The following HS3ST1 variants were observed in gnomAD, a reference collection of about 807,000 sequenced individuals.
HS3ST1 encodes the protein heparan sulfate-glucosamine 3-sulfotransferase 1, also known as heparan sulfate glucosamine 3-O-sulfotransferase 1.
A neutral mutation model predicts 20.7 loss-of-function variants in HS3ST1; 8 were observed. The ratio of observed to expected loss-of-function variants is 0.39; its 90% CI spans 0.23 to 0.70. The LOEUF (loss-of-function observed/expected upper bound fraction) is 0.70. Among genes scored for constraint, HS3ST1 ranks in the 30% least tolerant of loss-of-function variants. The probability of loss-of-function intolerance (pLI) is 0.46; values close to 1 mark genes in which losing one functional copy is unlikely to be tolerated. For missense variants in HS3ST1, 436 were observed against 423.4 expected (o/e 1.03, Z -0.26); for synonymous variants, 205 against 190.4 (o/e 1.08, Z -0.63).
upstream of HS3ST1, among the ~76,000 whole-genome samples, chr4:11,434,132 A>G (rs1577090240): frequency 6.6e-6 from 1 of 152,210 alleles, no homozygotes; most frequent in East Asian, 1.9e-4. Context: ...AGTCTCTTAC[A>G]CAATGGTAGA....
Position 11,399,009 on chromosome 4 carries a change from TAAAA to T in HS3ST1, c.*69_*72del. On this transcript the variant is annotated 3_prime_UTR_variant, in exon 2 of 2. Coordinates refer to ENST00000002596, the MANE Select transcript of HS3ST1 (RefSeq NM_005114.4). This position sits in a 1 kb window ranked among gnomAD's most constrained non-coding sequence, Gnocchi z 5.1. ...ATAAATTATACCTTAAATGCTTTTT[TAAAA>T]TTCTTTTTCCCCTCAGATGTACACC... The T allele has an allele frequency of 2.3e-6, 3 of 1,328,894 alleles. No individual in the cohort carries two copies. The highest frequency in any genetic ancestry group is 4.5e-5 in the Admixed American group (2 of 44,860). 82.3% of individuals were successfully genotyped at this position (1,328,894 alleles called of 1,614,324 possible).
In HS3ST1 at chr4:11,399,270, A is replaced by C; in HGVS notation, c.736T>G (p.Phe246Val). The change falls in exon 2 of 2, where the codon TTC becomes GTC. Residue 246 changes from phenylalanine to valine, a missense_variant. Transcript: ENST00000002596. The surrounding 1 kb of genome is among the most constrained non-coding windows in gnomAD (Gnocchi z 5.1). ...KLSPQINASN[F>V]YFNKTKGFYC... The stretch of plus-strand genomic sequence containing the variant: ...AAGCCCTTGGTTTTGTTAAAGTAGA[A>C]GTTCGAAGCATTGATCTGCGGCGAC... The C allele has an allele frequency of 6.2e-7, 1 of 1,614,138 alleles. No homozygotes were observed. The highest frequency in any genetic ancestry group is 8.5e-7 in the Non-Finnish European group (1 of 1,180,026).
At chr4:11,426,373 CA>C (rs1553858481) in intron 1 of HS3ST1, among the ~76,000 whole-genome samples, 1 of 151,106 alleles carries the variant, frequency 6.6e-6, no homozygotes, top group Non-Finnish European at 1.5e-5. Context: ...GCCCCCCCCC[CA>C]ACCCTCACAA....
intron 1 of HS3ST1, among the ~76,000 whole-genome samples, chr4:11,412,235 G>A (rs915647562): frequency 1.8e-4 from 28 of 152,152 alleles, no homozygotes; most frequent in African/African-American, 6.5e-4. Flanking sequence ...CTAGTCCCTG[G>A]TTCTGTCTTG....
chr4:11,400,154 C>T, intron 1 of HS3ST1, 41 bp from the exon 2 acceptor site: 1 of 1,404,626 alleles, frequency 7.1e-7, no homozygotes, highest in South Asian at 1.6e-5. Context: ...ATAACAAATA[C>T]AGGGATAATT....
chr4:11,399,060 T>C lies in HS3ST1; in HGVS notation c.*22A>G. 1 of 1,587,910 alleles carries C rather than the reference T, an allele frequency of 6.3e-7. No individual in the cohort carries two copies. Among genetic ancestry groups the C allele is most frequent in the Non-Finnish European group, 8.6e-7 (1 of 1,163,550 alleles). On this transcript the variant is annotated 3_prime_UTR_variant, in exon 2 of 2. Transcript: ENST00000002596. This position sits in a 1 kb window ranked among gnomAD's most constrained non-coding sequence, Gnocchi z 5.1. The stretch of plus-strand genomic sequence containing the variant: ...CACCAGAACTTACAGTAGGAAAGTT[T>C]CTGAGCTTAGCTTATTGCAAATCAG...
At chr4:11,426,480 G>C (rs1178002716) in intron 1 of HS3ST1, among the ~76,000 whole-genome samples, 1 of 151,830 alleles carries the variant, frequency 6.6e-6, no homozygotes, top group Non-Finnish European at 1.5e-5. Context: ...CTTCATTCTA[G>C]ACATAACCAC....
upstream of HS3ST1, among the ~76,000 whole-genome samples, chr4:11,431,333 G>T (rs1461118983): frequency 6.6e-6 from 1 of 151,828 alleles, no homozygotes; most frequent in Non-Finnish European, 1.5e-5. Context: ...TGAGAATAGA[G>T]GCTGTTAGGA....
rs777406089 is a variant in HS3ST1 at position 11,399,640 on chromosome 4, C to T, written c.366G>A (p.Ala122=). 7.4e-6 allele frequency: 12 copies of T among 1,613,804 alleles called. No homozygotes were observed. The highest frequency in any genetic ancestry group is 2.7e-5 in the African/African-American group (2 of 74,928). Residue 122 remains alanine, a synonymous_variant, in exon 2 of 2, where the codon GCG becomes GCA. Coordinates refer to ENST00000002596, the MANE Select transcript of HS3ST1 (RefSeq NM_005114.4). The surrounding 1 kb of genome is among the most constrained non-coding windows in gnomAD (Gnocchi z 5.1). The part of the protein sequence containing the change: ...PHQLTVEKTP[A]YFTSPKVPER... Reference sequence around the variant, plus strand: ...CAGGCACTTTGGGCGACGTGAAATACGCGGGGGTCTTCTCCACTGTGAGCT... The same window carrying T: ...CAGGCACTTTGGGCGACGTGAAATATGCGGGGGTCTTCTCCACTGTGAGCT...
At chr4:11,411,471 T>G (rs761414272) in intron 1 of HS3ST1, among the ~76,000 whole-genome samples, 9 of 152,206 alleles carry the variant, frequency 5.9e-5, no homozygotes, top group Non-Finnish European at 1.3e-4. Flanking sequence ...ACAAGTAAAT[T>G]AGTATCTCAT....
upstream of HS3ST1, among the ~76,000 whole-genome samples, chr4:11,431,573 C>A (rs1719207347): frequency 6.6e-6 from 1 of 152,136 alleles, no homozygotes; most frequent in Admixed American, 6.5e-5. Context: ...CCTAAGAGAG[C>A]ATAAAATCTT....
At chr4:11,425,625 A>G (rs1369625495) in intron 1 of HS3ST1, among the ~76,000 whole-genome samples, 3 of 152,236 alleles carry the variant, frequency 2.0e-5, no homozygotes, top group Non-Finnish European at 2.9e-5. Flanking sequence ...AGACATATGC[A>G]AACTATGATT....
chr4:11,418,469 G>T (rs969777568), intron 1 of HS3ST1, among the ~76,000 whole-genome samples: 3 of 152,200 alleles, frequency 2.0e-5, no homozygotes, highest in Admixed American at 2.0e-4. Flanking sequence ...ATGAGGCAAA[G>T]TCATTTCCCT....
chr4:11,427,760 C>T (rs1460439456), intron 1 of HS3ST1, among the ~76,000 whole-genome samples: 1 of 152,172 alleles, frequency 6.6e-6, no homozygotes, highest in Non-Finnish European at 1.5e-5. Context: ...AGTTATAGAC[C>T]TATAACTGCA....
chr4:11,414,125 G>T (rs1718706848), intron 1 of HS3ST1: 1 of 152,142 alleles, frequency 6.6e-6, no homozygotes, highest in Admixed American at 6.6e-5. Context: ...CTTAGCTTCT[G>T]CAGTCAGGCA....
chr4:11,399,355 G>T lies in HS3ST1; in HGVS notation c.651C>A (p.Gly217=), dbSNP rs779311145. ...FPLRHIHIVD[G]DRLIRDPFPE... is the part of the protein sequence containing the mutation. ...GGAAGGGGTCCCTGATGAGGCGGTC[G>T]CCGTCCACAATGTGGATGTGGCGCA... The change falls in exon 2 of 2, where the codon GGC becomes GGA. Residue 217 remains glycine (G), a synonymous_variant. Transcript: ENST00000002596. The surrounding 1 kb of genome is among the most constrained non-coding windows in gnomAD (Gnocchi z 5.1). The T allele has an allele frequency of 5.0e-6, 8 of 1,613,930 alleles. No homozygotes were observed. The highest frequency in any genetic ancestry group is 6.8e-6 in the Non-Finnish European group (8 of 1,179,998).
intron 1 of HS3ST1, among the ~76,000 whole-genome samples, chr4:11,400,790 G>A (rs1295913057): frequency 6.6e-6 from 1 of 152,188 alleles, no homozygotes; most frequent in Non-Finnish European, 1.5e-5. Context: ...TCTTGAATTG[G>A]CCTTGCTACT....
chr4:11,409,661 C>T (rs998419483), intron 1 of HS3ST1, among the ~76,000 whole-genome samples: 5 of 152,184 alleles, frequency 3.3e-5, no homozygotes, highest in Admixed American at 3.3e-4. Context: ...TTGTTTAAAC[C>T]ATCCATTGCA....
intron 1 of HS3ST1, among the ~76,000 whole-genome samples, chr4:11,413,420 CA>C (rs1174814447): frequency 6.6e-6 from 1 of 152,082 alleles, no homozygotes; most frequent in African/African-American, 2.4e-5. Flanking sequence ...AGAACTGCCA[CA>C]GGGGTCTAGT....
Sources: gnomAD v4.1 joint callset for allele counts (sites outside exome capture counted in the v4.1 genomes callset) on GRCh38, gnomAD v4.1.1 for gene constraint, Gnocchi (gnomAD v3.1) non-coding constraint, MANE v1.5 for transcripts, NCBI Gene and HGNC (gene_info 2026-07-23, HGNC 2026-07-21) for gene names.